GRIK2: variants seen among roughly 807,000 people sequenced by gnomAD.
GRIK2 encodes glutamate ionotropic receptor kainate type subunit 2.
GRIK2 carries 32 observed loss-of-function variants against 100.3 expected under a neutral mutation model. The ratio of observed to expected loss-of-function variants is 0.32; its 90% CI spans 0.24 to 0.43. GRIK2 has a LOEUF of 0.43. GRIK2 is among the 20% of genes least tolerant of loss of function. GRIK2 has a pLI of 1.00. For missense variants in GRIK2, 843 were observed against 1,114.9 expected (o/e 0.76, Z 3.47); for synonymous variants, 417 against 389.4 (o/e 1.07, Z -0.83).
intron 2 of GRIK2, among the ~76,000 whole-genome samples, chr6:101,567,091 A>C (rs1475406575): frequency 6.6e-6 from 1 of 151,768 alleles, no homozygotes; most frequent in Non-Finnish European, 1.5e-5. Flanking sequence ...ATCAATATAA[A>C]GGTCAGAAAC....
intron 2 of GRIK2, among the ~76,000 whole-genome samples, chr6:101,467,933 T>A (rs2579937): frequency 0.53 from 78,487 of 148,960 alleles, 20,858 homozygotes; most frequent in South Asian, 0.55. Flanking sequence ...CACGATATAT[T>A]TTTTTTTTTA....
intron 14 of GRIK2, among the ~76,000 whole-genome samples, chr6:102,004,676 C>T (rs1402326699): frequency 6.6e-6 from 1 of 151,942 alleles, no homozygotes; most frequent in Non-Finnish European, 1.5e-5. Context: ...TTCCGTCTGC[C>T]CTCTAGTGCA....
rs1414841839 is a variant in GRIK2, at chr6:101,712,012, A to T, written c.951+25659A>T. 2.0e-5 allele frequency among the ~76,000 whole-genome samples: 3 copies of T among 151,982 alleles called. No individual in the cohort carries two copies. In the East Asian group the frequency reaches 5.8e-4, roughly 30 times the overall value. ...TCAAACTTCCTTCAACTGGTAAAAT[A>T]GAAACTATAAAAGATCCCCTACCTA... On this transcript the variant is annotated intron_variant, in intron 7 of 16. Coordinates refer to ENST00000369134, the MANE Select transcript of GRIK2 (RefSeq NM_021956.5).
chr6:101,797,693 T>TC (rs1780397588), intron 7 of GRIK2, among the ~76,000 whole-genome samples: 1 of 146,932 alleles, frequency 6.8e-6, no homozygotes, highest in Non-Finnish European at 1.5e-5. Flanking sequence ...ATATTTTTTT[T>TC]ATGTATATAT....
chr6:101,626,539 G>C lies in GRIK2; in HGVS notation c.443G>C (p.Ser148Thr), dbSNP rs768762029. Residue 148 changes from serine (S) to threonine (T), a missense_variant, in exon 4 of 17, where the codon AGT becomes ACT. Physicochemically the swap from Ser to Thr is moderately conservative, Grantham distance 58 (BLOSUM62 1). Transcript: ENST00000369134. Reference sequence around the variant, plus strand: ...GACAACAAAGATTCCTTCTATGTCAGTCTCTACCCAGACTTCTCTTCACTC... The same window carrying C: ...GACAACAAAGATTCCTTCTATGTCACTCTCTACCCAGACTTCTCTTCACTC... ...VSDNKDSFYV[S>T]LYPDFSSLSR... The C allele has an allele frequency of 6.2e-7, 1 of 1,613,928 alleles. No individual in the cohort carries two copies. The highest frequency in any genetic ancestry group is 2.2e-5 in the East Asian group (1 of 44,840).
Position 101,609,599 on chromosome 6 carries a change from A to C in GRIK2, c.116-12350A>C, listed in dbSNP as rs377255573. On this transcript the variant is annotated intron_variant, in intron 2 of 16. Coordinates refer to ENST00000369134, the MANE Select transcript of GRIK2 (RefSeq NM_021956.5). Reference sequence around the variant, plus strand: ...TACAACATTTTAATATGATGTTGATACAAAAATATGGCTTTAAAACTTCAT... The same window carrying C: ...TACAACATTTTAATATGATGTTGATCCAAAAATATGGCTTTAAAACTTCAT... Among the ~76,000 whole-genome samples, 14 of 151,986 alleles carry C rather than the reference A, an allele frequency of 9.2e-5. No homozygotes were observed. The East Asian group carries it at 2.1e-3, about 23-fold the overall frequency.
intron 4 of GRIK2, among the ~76,000 whole-genome samples, chr6:101,665,329 C>T (rs1769944085): frequency 6.6e-6 from 1 of 152,182 alleles, no homozygotes; most frequent in African/African-American, 2.4e-5. Context: ...GTTCTCCATG[C>T]TGTTTACTAT....
chr6:102,069,328 T>TAATAAC lies in GRIK2; in HGVS notation c.*822_*823insCAATAA, dbSNP rs1179746942. The TAATAAC allele has an allele frequency of 6.8e-6, 1 of 147,658 alleles. No individual in the cohort carries two copies. Among genetic ancestry groups the TAATAAC allele is most frequent in the East Asian group, 2.0e-4 (1 of 5,100 alleles). 9.1% of individuals were successfully genotyped at this position (147,658 alleles called of 1,614,324 possible). ...ATAATAATAATAATAATAATAATAA[T>TAATAAC]AATAATAATAAAAGCAGTTGGTTCA... is the stretch of plus-strand genomic sequence containing the variant. On this transcript the variant is annotated 3_prime_UTR_variant, in exon 17 of 17. Coordinates refer to ENST00000369134, the MANE Select transcript of GRIK2 (RefSeq NM_021956.5).
chr6:101,737,885 C>G (rs1199437677), intron 7 of GRIK2, among the ~76,000 whole-genome samples: 1 of 151,914 alleles, frequency 6.6e-6, no homozygotes, highest in African/African-American at 2.4e-5. Flanking sequence ...CAATTCATGT[C>G]AGAATTGATT....
chr6:101,647,749 T>C (rs1183284592), intron 4 of GRIK2, among the ~76,000 whole-genome samples: 1 of 152,080 alleles, frequency 6.6e-6, no homozygotes, highest in Non-Finnish European at 1.5e-5. Context: ...GGGCAGGCAA[T>C]ATAAAGTTCA....
chr6:101,823,479 A>T (rs1782096257), intron 10 of GRIK2, among the ~76,000 whole-genome samples: 1 of 151,866 alleles, frequency 6.6e-6, no homozygotes, highest in Non-Finnish European at 1.5e-5. Flanking sequence ...GTGATTTTCC[A>T]TATTGCCTCT....
chr6:101,950,158 T>C (rs893393119), intron 14 of GRIK2, among the ~76,000 whole-genome samples: 1 of 152,188 alleles, frequency 6.6e-6, no homozygotes, highest in South Asian at 2.1e-4. Context: ...AAAAGTCTTA[T>C]AGGCTTGTAT....
intron 4 of GRIK2, among the ~76,000 whole-genome samples, chr6:101,669,099 CT>C (rs1770238155): frequency 6.6e-6 from 1 of 151,982 alleles, no homozygotes; most frequent in African/African-American, 2.4e-5. Flanking sequence ...ATGTGGTACC[CT>C]TTTTTGTTAG....
intron 2 of GRIK2, among the ~76,000 whole-genome samples, chr6:101,581,300 GTGTA>G (rs1160681526): frequency 6.6e-6 from 1 of 151,170 alleles, no homozygotes; most frequent in Admixed American, 6.6e-5. Context: ...GTGTGTGTGT[GTGTA>G]TATACATATG....
At chr6:101,437,630 G>C (rs541230446) in intron 2 of GRIK2, among the ~76,000 whole-genome samples, 13 of 152,144 alleles carry the variant, frequency 8.5e-5, no homozygotes, top group Admixed American at 5.2e-4. Context: ...GGGAGTGGGG[G>C]CAATAGTAGC....
At chr6:101,969,945 C>T in intron 14 of GRIK2, among the ~76,000 whole-genome samples, 1 of 151,948 alleles carries the variant, frequency 6.6e-6, no homozygotes, top group East Asian at 1.9e-4. Flanking sequence ...GTGTGTTCTG[C>T]ATGTGTAGCT....
intron 14 of GRIK2, among the ~76,000 whole-genome samples, chr6:102,020,358 G>C (rs1001507005): frequency 2.6e-5 from 4 of 151,826 alleles, no homozygotes; most frequent in African/African-American, 9.7e-5. Context: ...AAGAGATATT[G>C]GGATCAACTC....
chr6:101,913,703 A>G (rs1473612224), intron 12 of GRIK2, among the ~76,000 whole-genome samples: 1 of 151,498 alleles, frequency 6.6e-6, no homozygotes, highest in East Asian at 1.9e-4. Flanking sequence ...TAGAATATTA[A>G]TGAGCTGTAA....
At chr6:102,047,137 A>G (rs1027271843) in intron 15 of GRIK2, among the ~76,000 whole-genome samples, 1 of 152,160 alleles carries the variant, frequency 6.6e-6, no homozygotes, top group African/African-American at 2.4e-5. Context: ...GCCTGACATT[A>G]TGCCTCAAGG....
Sources: gnomAD v4.1 joint callset for allele counts (sites outside exome capture counted in the v4.1 genomes callset) on GRCh38, gnomAD v4.1.1 for gene constraint, MANE v1.5 for transcripts, NCBI Gene and HGNC (gene_info 2026-07-23, HGNC 2026-07-21) for gene names.